CDYL: variants seen among roughly 807,000 people sequenced by gnomAD.
CDYL encodes the protein chromodomain Y-like protein.
A neutral mutation model predicts 47.3 loss-of-function variants in CDYL; 8 were observed. The ratio of observed to expected loss-of-function variants is 0.17; its 90% CI spans 0.10 to 0.31. The LOEUF is 0.31. Among genes scored for constraint, CDYL ranks in the 10% least tolerant of loss-of-function variants. The pLI, the probability that CDYL is intolerant of heterozygous loss-of-function variation, is 1.00. For missense variants in CDYL, 471 were observed against 701.4 expected, an observed-to-expected ratio of 0.67 and a Z score of 3.71; for synonymous variants, 266 against 265.0, an observed-to-expected ratio of 1.00 and a Z score of -0.04.
chr6:4,715,961 T>C, intron 2 of CDYL: 1 of 1,540,154 alleles, frequency 6.5e-7, no homozygotes. Context: ...TAAAAATGAT[T>C]TTACTGGCCG....
At chr6:4,916,221 A>T (rs1757552994) in intron 2 of CDYL, among the ~76,000 whole-genome samples, 1 of 152,256 alleles carries the variant, frequency 6.6e-6, no homozygotes. Context: ...CTCTAAATGG[A>T]TTGAGACTTG....
chr6:4,898,559 T>C (rs962041910), intron 2 of CDYL, among the ~76,000 whole-genome samples: 2 of 152,162 alleles, frequency 1.3e-5, no homozygotes, highest in Admixed American at 6.5e-5. Flanking sequence ...CTTTGAGACA[T>C]GTAGATGCAC....
intron 1 of CDYL, among the ~76,000 whole-genome samples, chr6:4,867,721 GATTTTC>G (rs1761359417): frequency 6.7e-6 from 1 of 149,968 alleles, no homozygotes; most frequent in African/African-American, 2.4e-5. Context: ...TTTGGTTTGG[GATTTTC>G]ATGTCTGTGT....
chr6:4,709,427 A>G (rs1757108629), intron 1 of CDYL, among the ~76,000 whole-genome samples: 5 of 152,116 alleles, frequency 3.3e-5, no homozygotes, highest in Admixed American at 3.3e-4. Context: ...TGAACTTCTG[A>G]CCTTGTGATC....
intron 1 of CDYL, among the ~76,000 whole-genome samples, chr6:4,867,933 G>T (rs1475731428): frequency 6.6e-6 from 1 of 151,824 alleles, no homozygotes; most frequent in African/African-American, 2.4e-5. Flanking sequence ...CTTCCTTTCT[G>T]CCAGGTGTAG....
rs1400008822 is a variant in CDYL at position 4,776,792 on chromosome 6, C to G, written c.9C>G (p.Ser3=). ...CAACTCCGCCGCCCACCATGGCTTC[C>G]GAGGAGCTGTACGAGGTACCTCCCC... MA[S]EELYEVERIV... Residue 3 remains serine, a synonymous_variant, in exon 1 of 7, where the codon TCC becomes TCG. Transcript: ENST00000397588. 1 of 1,163,602 alleles carries G rather than the reference C, an allele frequency of 8.6e-7. No homozygotes were observed. The highest frequency in any genetic ancestry group is 3.2e-5 in the Admixed American group (1 of 30,954). The allele number at this position is 1,163,602 out of a possible 1,614,324, so 72.1% of individuals were successfully genotyped here.
At chr6:4,902,106 A>G (rs1757074799) in intron 2 of CDYL, among the ~76,000 whole-genome samples, 2 of 152,158 alleles carry the variant, frequency 1.3e-5, no homozygotes, top group South Asian at 2.1e-4. Context: ...AACAATAGAA[A>G]TGGCAATAGA....
chr6:4,766,447 G>A (rs777716903), intron 3 of CDYL, among the ~76,000 whole-genome samples: 5 of 152,018 alleles, frequency 3.3e-5, no homozygotes, highest in Admixed American at 6.6e-5. Context: ...CCGACCTCAG[G>A]TGATCCACCT....
chr6:4,933,342 C>G (rs1263020308), intron 2 of CDYL, among the ~76,000 whole-genome samples: 1 of 152,214 alleles, frequency 6.6e-6, no homozygotes, highest in East Asian at 1.9e-4. Context: ...GCATCTCTCC[C>G]TCGCCTCCTC....
chr6:4,722,573 C>T (rs558413950), intron 2 of CDYL, among the ~76,000 whole-genome samples: 2 of 151,884 alleles, frequency 1.3e-5, no homozygotes, highest in Non-Finnish European at 2.9e-5. Flanking sequence ...AAAACTAAAA[C>T]TGTTTTAAAG....
intron 1 of CDYL, among the ~76,000 whole-genome samples, chr6:4,713,801 C>G (rs963615492): frequency 6.6e-6 from 1 of 152,012 alleles, no homozygotes; most frequent in East Asian, 1.9e-4. Context: ...TTGGCCAGGC[C>G]GGTCTCAAAC....
At chr6:4,733,200 C>T (rs1045621143) in intron 2 of CDYL, 1 of 152,164 alleles carries the variant, frequency 6.6e-6, no homozygotes, top group Admixed American at 6.5e-5. Context: ...AAGCAGAGCC[C>T]TGCAAGTTTC....
chr6:4,908,979 TAA>T (rs772656672), intron 2 of CDYL, among the ~76,000 whole-genome samples: 2 of 152,242 alleles, frequency 1.3e-5, no homozygotes, highest in Non-Finnish European at 2.9e-5. Context: ...ACGTGGGATT[TAA>T]AAGTTTCCAT....
At chr6:4,786,492 G>T (rs781589386) in intron 1 of CDYL, among the ~76,000 whole-genome samples, 6 of 152,088 alleles carry the variant, frequency 3.9e-5, no homozygotes, top group Non-Finnish European at 7.4e-5. Context: ...ATGTAAATAA[G>T]ATTTGAATTA....
chr6:4,769,848 G>C (rs1390345113), intron 3 of CDYL, among the ~76,000 whole-genome samples: 2 of 152,186 alleles, frequency 1.3e-5, no homozygotes, highest in African/African-American at 4.8e-5. Context: ...CCAGGCTGGA[G>C]TGCAGTGGCG....
chr6:4,788,736 C>T (rs1561638184), intron 1 of CDYL, among the ~76,000 whole-genome samples: 1 of 151,188 alleles, frequency 6.6e-6, no homozygotes, highest in Non-Finnish European at 1.5e-5. Context: ...TCCCCACCAC[C>T]ATTCGGCAGC....
chr6:4,807,115 C>T (rs764110722), intron 1 of CDYL, among the ~76,000 whole-genome samples: 2 of 152,312 alleles, frequency 1.3e-5, no homozygotes, highest in South Asian at 2.1e-4. Flanking sequence ...AGGGCTCACC[C>T]TCTAGATCTC....
chr6:4,894,757 T>C (rs1762146490), intron 2 of CDYL, among the ~76,000 whole-genome samples: 1 of 152,056 alleles, frequency 6.6e-6, no homozygotes, highest in African/African-American at 2.4e-5. Context: ...CCTACTTGGC[T>C]CTTTACAGAG....
chr6:4,743,556 A>G (rs912107384), intron 3 of CDYL, among the ~76,000 whole-genome samples: 1 of 152,190 alleles, frequency 6.6e-6, no homozygotes, highest in African/African-American at 2.4e-5. Flanking sequence ...GCTTTATATT[A>G]TTCAGGAAAT....
Sources: gnomAD v4.1 joint callset for allele counts (sites outside exome capture counted in the v4.1 genomes callset) on GRCh38, gnomAD v4.1.1 for gene constraint, MANE v1.5 for transcripts, NCBI Gene and HGNC (gene_info 2026-07-23, HGNC 2026-07-21) for gene names.